The following PIK3R5 variants were observed in gnomAD, a reference collection of about 807,000 sequenced individuals.
The protein encoded by PIK3R5 is phosphoinositide 3-kinase regulatory subunit 5.
Under a neutral mutation model 94.9 loss-of-function variants are expected in PIK3R5, and 32 were observed. That is an observed-to-expected ratio of 0.34 (90% CI 0.25 to 0.45). The LOEUF is 0.45. PIK3R5 is among the 20% of genes least tolerant of loss of function. The pLI, the probability that PIK3R5 is intolerant of heterozygous loss-of-function variation, is 1.00. For missense variants in PIK3R5, 853 were observed against 1,144.6 expected (o/e 0.75, Z 3.68); for synonymous variants, 443 against 479.4 (o/e 0.92, Z 0.99).
intron 1 of PIK3R5, among the ~76,000 whole-genome samples, chr17:8,939,760 C>T (rs1300735350): frequency 6.6e-6 from 1 of 152,194 alleles, no homozygotes; most frequent in Non-Finnish European, 1.5e-5. Context: ...CTCTGCTCCC[C>T]AGAAGCTGTG....
Position 8,890,649 on chromosome 17 carries a change from C to T in PIK3R5, c.657+89G>A, listed in dbSNP as rs956070467. The T allele has an allele frequency of 1.7e-6, 2 of 1,194,112 alleles. No individual in the cohort carries two copies. Among genetic ancestry groups the T allele is most frequent in the Non-Finnish European group, 2.3e-6 (2 of 855,336 alleles). The allele number at this position is 1,194,112 out of a possible 1,614,324, so 74.0% of individuals were successfully genotyped here. A position where few individuals can be genotyped will look rare whatever the true frequency, so the allele number is the denominator to read the frequency against. On this transcript the variant is annotated intron_variant, in intron 7 of 18. Transcript: ENST00000447110. This position sits in a 1 kb window ranked among gnomAD's most constrained non-coding sequence, Gnocchi z 6.1. ...CCTGGGTGCAGGAGACTAAGTGTAC[C>T]CTGGAGACCGTGGCTGAGATGAAGC...
rs903497628 is a variant in PIK3R5 at position 8,925,528 on chromosome 17, A to C, written c.-13-14021T>G. 6.6e-6 allele frequency among the ~76,000 whole-genome samples: 1 copy of C among 151,732 alleles called. No homozygotes were observed. Among genetic ancestry groups the C allele is most frequent in the Non-Finnish European group, 1.5e-5 (1 of 68,016 alleles). The stretch of plus-strand genomic sequence containing the variant: ...ATAGATAGTAGATGGATAGATAGAT[A>C]GATAGTAGATAGATAGTAGATGGAT... On this transcript the variant is annotated intron_variant, in intron 1 of 18. Transcript: ENST00000447110. This position sits in a 1 kb window ranked among gnomAD's most constrained non-coding sequence, Gnocchi z 5.1.
rs564850609 is a variant in PIK3R5 at position 8,911,657 on chromosome 17, C to T, written c.-13-150G>A. The stretch of plus-strand genomic sequence containing the variant: ...TGTGGAAACAGGACCAGGGGCCTTA[C>T]AGCTGCCTCCAGGGTAGGAATGGCA... On this transcript the variant is annotated intron_variant, in intron 1 of 18. Transcript: ENST00000447110. The surrounding 1 kb of genome is among the most constrained non-coding windows in gnomAD (Gnocchi z 5.3). 1.5e-5 allele frequency: 9 copies of T among 588,078 alleles called. No individual in the cohort carries two copies. The highest frequency in any genetic ancestry group is 3.7e-4 in the Middle Eastern group (1 of 2,700). The allele number at this position is 588,078 out of a possible 1,614,324, so 36.4% of individuals were successfully genotyped here.
chr17:8,947,948 C>G (rs1372434846), intron 1 of PIK3R5, among the ~76,000 whole-genome samples: 2 of 144,988 alleles, frequency 1.4e-5, no homozygotes, highest in Non-Finnish European at 3.0e-5. Flanking sequence ...GAGGCTGAAG[C>G]AAGAGAATGG....
In PIK3R5 at chr17:8,880,978, T is replaced by C; in HGVS notation, c.2422A>G (p.Ile808Val). 5.0e-6 allele frequency: 8 copies of C among 1,614,118 alleles called. No individual in the cohort carries two copies. Among genetic ancestry groups the C allele is most frequent in the Non-Finnish European group, 6.8e-6 (8 of 1,179,978 alleles). ...SQIKVDKVQI[I>V]GSNSCPFAVC... ...GCAAAGGGGCAGCTGTTGGAGCCGA[T>C]GATCTGCACCTTGTCCACTTTGATC... The change falls in exon 18 of 19, where the codon ATC (isoleucine) becomes GTC (valine). Residue 808 changes from isoleucine to valine, a missense_variant. Coordinates refer to ENST00000447110, the MANE Select transcript of PIK3R5 (RefSeq NM_001142633.3).
Position 8,889,232 on chromosome 17 carries a change from CA to C in PIK3R5, c.812-11del. ...CCTGGTTTTGCAGTGTCTGTAAGAA[CA>C]GGGAGGATAGGAGAAGAGGGCTGGG... On this transcript the variant is annotated splice_polypyrimidine_tract_variant and intron_variant, in intron 8 of 18. Transcript: ENST00000447110. The surrounding 1 kb of genome is among the most constrained non-coding windows in gnomAD (Gnocchi z 4.1). The C allele has an allele frequency of 6.2e-7, 1 of 1,609,696 alleles. No homozygotes were observed. Among genetic ancestry groups the C allele is most frequent in the Non-Finnish European group, 8.5e-7 (1 of 1,176,730 alleles).
At chr17:8,961,350 G>A (rs1423162783) in intron 1 of PIK3R5, among the ~76,000 whole-genome samples, 16 of 152,168 alleles carry the variant, frequency 1.1e-4, no homozygotes, top group Admixed American at 2.0e-4. Flanking sequence ...AGTGACTCAC[G>A]CAGGCCGGGC....
At chr17:8,887,323 C>A (rs900307257) in intron 11 of PIK3R5, 102 bp from the exon 12 acceptor site, 44 of 1,496,098 alleles carry the variant, frequency 2.9e-5, no homozygotes, top group Non-Finnish European at 3.6e-5. Flanking sequence ...CTGAGCTTCT[C>A]CCTGCCCTTG....
In PIK3R5 at chr17:8,951,807, T is replaced by C. The variant is rs1181456655; in HGVS notation, c.-14+13789A>G. 3.3e-5 allele frequency among the ~76,000 whole-genome samples: 5 copies of C among 152,372 alleles called. No individual in the cohort carries two copies. In the East Asian group the frequency reaches 7.7e-4, roughly 23 times the overall value. ...CACAAAGTTCAAATGTGGATGAGAC[T>C]CAAAATTGTTCTTCCATATCTATTC... On this transcript the variant is annotated intron_variant, in intron 1 of 18. Coordinates refer to ENST00000447110, the MANE Select transcript of PIK3R5 (RefSeq NM_001142633.3).
chr17:8,882,715 C>A lies in PIK3R5; in HGVS notation c.2206-834G>T, dbSNP rs1010705785. ...CTGGACCCCGGCCTCTTCCTGTGGTCCCCCCAGAGAAGATGGTGCTGCCAG... is the reference window on the plus strand; with the variant it reads ...CTGGACCCCGGCCTCTTCCTGTGGTACCCCCAGAGAAGATGGTGCTGCCAG... On this transcript the variant is annotated intron_variant, in intron 15 of 18. Transcript: ENST00000447110. The surrounding 1 kb of genome is among the most constrained non-coding windows in gnomAD (Gnocchi z 4.1). Among the ~76,000 whole-genome samples, 31 of 152,270 alleles carry A rather than the reference C, an allele frequency of 2.0e-4. No homozygotes were observed. The highest frequency in any genetic ancestry group is 6.5e-4 in the African/African-American group (27 of 41,556).
intron 5 of PIK3R5, among the ~76,000 whole-genome samples, chr17:8,902,674 A>G (rs1201771042): frequency 6.6e-6 from 1 of 152,092 alleles, no homozygotes; most frequent in Non-Finnish European, 1.5e-5. Context: ...CTTTTCCTTT[A>G]TAATTTTTGC....
chr17:8,952,723 C>CGTTT (rs757253579), intron 1 of PIK3R5, among the ~76,000 whole-genome samples: 2 of 152,164 alleles, frequency 1.3e-5, no homozygotes, highest in Non-Finnish European at 2.9e-5. Flanking sequence ...TCTCCTTAAA[C>CGTTT]AAGGTCAGAT....
rs1388273100 is a variant in PIK3R5, at chr17:8,888,309, A to G, written c.1478T>C (p.Leu493Pro). Reference protein sequence around the residue: ...KLGTQLPSWLLAPASRPQRRR... With the variant: ...KLGTQLPSWLPAPASRPQRRR... ...GCGCTGGGGGCGTGAAGCAGGGGCC[A>G]GAAGCCAGCTGGGCAGCTGGGTACC... Residue 493 changes from leucine (L) to proline (P), a missense_variant, in exon 10 of 19, where the codon CTG (leucine) becomes CCG (proline). Coordinates refer to ENST00000447110, the MANE Select transcript of PIK3R5 (RefSeq NM_001142633.3). This position sits in a 1 kb window ranked among gnomAD's most constrained non-coding sequence, Gnocchi z 7.8. 7 of 1,612,936 alleles carry G rather than the reference A, an allele frequency of 4.3e-6. No homozygotes were observed. Among genetic ancestry groups the G allele is most frequent in the Non-Finnish European group, 5.9e-6 (7 of 1,179,782 alleles).
chr17:8,932,245 T>A (rs75356864), intron 1 of PIK3R5, among the ~76,000 whole-genome samples: 6,453 of 151,380 alleles, frequency 0.043, 182 homozygotes, highest in Non-Finnish European at 0.061. Flanking sequence ...TTTTTTTTTT[T>A]ATTTTTGAGA....
intron 1 of PIK3R5, among the ~76,000 whole-genome samples, chr17:8,961,869 A>G (rs1369057760): frequency 6.6e-6 from 1 of 152,122 alleles, no homozygotes; most frequent in East Asian, 1.9e-4. Context: ...ATCAGCCCCC[A>G]ACCCCCTTTT....
At chr17:8,921,547 G>A (rs2090744523) in intron 1 of PIK3R5, among the ~76,000 whole-genome samples, 1 of 152,272 alleles carries the variant, frequency 6.6e-6, no homozygotes, top group Middle Eastern at 3.4e-3. Flanking sequence ...AGGTAAAGTG[G>A]TTAGGCACAA....
At chr17:8,886,099 A>AG (rs1191267038) in intron 14 of PIK3R5, 130 bp downstream of exon 14, 1 of 622,686 alleles carries the variant, frequency 1.6e-6, no homozygotes, top group East Asian at 3.2e-5. Context: ...CCGTCTCCCC[A>AG]GGGGCCTACC....
Position 8,880,757 on chromosome 17 carries a change from T to C in PIK3R5, c.2525A>G (p.Glu842Gly). The stretch of plus-strand genomic sequence containing the variant: ...GGGTGGTGAGGAGAGGTCGCTCTTC[T>C]CTGGCTTGTAGCACGGTGAGACCTC... ...RCEVSPCYKP[E>G]KSDLSSPPQT... is the part of the protein sequence containing the mutation. Residue 842 changes from glutamate (E) to glycine (G), a missense_variant, in exon 19 of 19, where the codon GAG becomes GGG. This residue lies in a region of PIK3R5 where 91 missense variants were observed against 90.5 expected (regional missense o/e 1.01). Transcript: ENST00000447110. The C allele has an allele frequency of 6.2e-7, 1 of 1,613,846 alleles. No homozygotes were observed. Among genetic ancestry groups the C allele is most frequent in the Non-Finnish European group, 8.5e-7 (1 of 1,179,840 alleles).
chr17:8,905,597 G>C, intron 4 of PIK3R5, 72 bp downstream of exon 4: 1 of 1,111,954 alleles, frequency 9.0e-7, no homozygotes, highest in Non-Finnish European at 1.3e-6. Flanking sequence ...AGGTGTGAGG[G>C]CTCTGCCCCA....
Sources: allele counts gnomAD v4.1 joint callset (sites outside exome capture counted in the v4.1 genomes callset), GRCh38; gene constraint gnomAD v4.1.1; regional missense constraint gnomAD v4.1.1; non-coding constraint Gnocchi (gnomAD v3.1); transcripts MANE v1.5; gene names NCBI Gene and HGNC (gene_info 2026-07-23, HGNC 2026-07-21).